The following GABRG3 variants were observed in gnomAD, a reference collection of about 807,000 sequenced individuals.
The protein encoded by GABRG3 is gamma-aminobutyric acid receptor subunit gamma-3.
A neutral mutation model predicts 48.8 loss-of-function variants in GABRG3; 25 were observed. The ratio of observed to expected loss-of-function variants is 0.51; its 90% CI spans 0.37 to 0.72. GABRG3 has a LOEUF of 0.72. GABRG3 is among the 30% of genes least tolerant of loss of function. The probability of loss-of-function intolerance (pLI) is 0.00; values close to 1 mark genes in which losing one functional copy is unlikely to be tolerated. For missense variants in GABRG3, 394 were observed against 577.9 expected, an observed-to-expected ratio of 0.68 and a Z score of 3.26; for synonymous variants, 227 against 217.6, an observed-to-expected ratio of 1.04 and a Z score of -0.38.
At chr15:27,390,966 G>A (rs150087046) in intron 5 of GABRG3, among the ~76,000 whole-genome samples, 228 of 152,112 alleles carry the variant, frequency 1.5e-3, no homozygotes, top group African/African-American at 5.2e-3. Context: ...GCATGTGCCT[G>A]TAATCCCAGC....
Position 27,283,403 on chromosome 15 carries a change from A to G in GABRG3, c.271-43406A>G, listed in dbSNP as rs866787260. On this transcript the variant is annotated intron_variant, in intron 3 of 9. Coordinates refer to ENST00000615808, the MANE Select transcript of GABRG3 (RefSeq NM_033223.5). Reference sequence around the variant, plus strand: ...TGGATCACCTGAGGTCAGGAGTTCAAGACCAGCCTGGCCAACATGGTGAAA... The same window carrying G: ...TGGATCACCTGAGGTCAGGAGTTCAGGACCAGCCTGGCCAACATGGTGAAA... Among the ~76,000 whole-genome samples, 30 of 152,320 alleles carry G rather than the reference A, an allele frequency of 2.0e-4. No individual in the cohort carries two copies. The Middle Eastern group carries it at 0.01, about 52-fold the overall frequency.
chr15:27,296,641 A>C (rs1348889268), intron 3 of GABRG3, among the ~76,000 whole-genome samples: 1 of 152,158 alleles, frequency 6.6e-6, no homozygotes, highest in African/African-American at 2.4e-5. Context: ...GTGATAGCAT[A>C]GTCATTGTAA....
intron 3 of GABRG3, among the ~76,000 whole-genome samples, chr15:27,114,222 T>C (rs899835553): frequency 2.0e-5 from 3 of 152,244 alleles, no homozygotes; most frequent in African/African-American, 4.8e-5. Context: ...GGTTTCCTTT[T>C]CTACCAAATA....
At position 27,308,093 on chromosome 15, in the gene GABRG3, T is replaced by TATAAACATATATGTTTATACATCCAAAC. The variant is rs1892751375; in HGVS notation, c.271-18712_271-18685dup. Among the ~76,000 whole-genome samples, 8 of 135,064 alleles carry TATAAACATATATGTTTATACATCCAAAC rather than the reference T, an allele frequency of 5.9e-5. 1 individual carries two copies. In the South Asian group the frequency reaches 1.4e-3, roughly 23 times the overall value. The allele number at this position is 135,064 out of a possible 152,430, so 88.6% of individuals were successfully genotyped here. On this transcript the variant is annotated intron_variant, in intron 3 of 9. Coordinates refer to ENST00000615808, the MANE Select transcript of GABRG3 (RefSeq NM_033223.5). The stretch of plus-strand genomic sequence containing the variant: ...ATATATGTTTATACATCCAAACATA[T>TATAAACATATATGTTTATACATCCAAAC]ATAAACATATATGTTTATACATCCA...
chr15:27,254,479 A>T (rs1310410551), intron 3 of GABRG3, among the ~76,000 whole-genome samples: 1 of 152,118 alleles, frequency 6.6e-6, no homozygotes, highest in African/African-American at 2.4e-5. Flanking sequence ...CAGTAACAAC[A>T]TACTACAAAT....
intron 3 of GABRG3, among the ~76,000 whole-genome samples, chr15:27,145,729 A>G (rs1489573058): frequency 2.0e-5 from 3 of 151,958 alleles, no homozygotes; most frequent in Admixed American, 6.6e-5. Flanking sequence ...AAATCTTCAA[A>G]CTTGATGAAA....
intron 3 of GABRG3, among the ~76,000 whole-genome samples, chr15:27,165,642 C>T (rs928516586): frequency 5.9e-5 from 9 of 151,946 alleles, no homozygotes; most frequent in African/African-American, 9.7e-5. Flanking sequence ...ATTCTGTCTC[C>T]CCTCTCTTCC....
intron 5 of GABRG3, among the ~76,000 whole-genome samples, chr15:27,369,562 A>T (rs1479218494): frequency 6.6e-6 from 1 of 152,108 alleles, no homozygotes; most frequent in Non-Finnish European, 1.5e-5. Flanking sequence ...TCATCCCTCT[A>T]ATCCCAACAC....
At chr15:27,166,650 C>T (rs1297820169) in intron 3 of GABRG3, among the ~76,000 whole-genome samples, 4 of 152,174 alleles carry the variant, frequency 2.6e-5, no homozygotes, top group Non-Finnish European at 5.9e-5. Flanking sequence ...GATGTTCCAG[C>T]TTCCCGCAAG....
chr15:27,158,999 G>A (rs1407226149), intron 3 of GABRG3, among the ~76,000 whole-genome samples: 2 of 152,100 alleles, frequency 1.3e-5, no homozygotes, highest in South Asian at 2.1e-4. Flanking sequence ...TTGTAGTCAG[G>A]AAGTCATGTA....
chr15:27,424,167 T>G (rs1455555331), intron 5 of GABRG3, among the ~76,000 whole-genome samples: 1 of 152,092 alleles, frequency 6.6e-6, no homozygotes, highest in Admixed American at 6.5e-5. Context: ...CCACTTCAGC[T>G]AGTTTATGCT....
rs139166740 is a variant in GABRG3, at chr15:27,370,099, T to G, written c.574+41211T>G. 6.1e-3 allele frequency among the ~76,000 whole-genome samples: 925 copies of G among 152,350 alleles called. 9 individuals are homozygous for G. Among genetic ancestry groups the G allele is most frequent in the African/African-American group, 0.021 (870 of 41,578 alleles). On this transcript the variant is annotated intron_variant, in intron 5 of 9. Coordinates refer to ENST00000615808, the MANE Select transcript of GABRG3 (RefSeq NM_033223.5). ...CTTTAAAATATGCCTTTAATGGAAT[T>G]CAGCAGCAAATGCATTGAAAGCAGC...
chr15:27,440,996 T>A (rs557228478), intron 5 of GABRG3, among the ~76,000 whole-genome samples: 2 of 152,122 alleles, frequency 1.3e-5, no homozygotes, highest in Admixed American at 6.5e-5. Flanking sequence ...CAGCGAGGGA[T>A]CTCCACAGTC....
chr15:27,492,503 G>A (rs115248212), intron 6 of GABRG3, among the ~76,000 whole-genome samples: 2 of 152,320 alleles, frequency 1.3e-5, no homozygotes, highest in African/African-American at 4.8e-5. Flanking sequence ...AGAGAGAGCA[G>A]TTGAGCCTGG....
chr15:27,166,615 A>G (rs961190870), intron 3 of GABRG3, among the ~76,000 whole-genome samples: 4 of 152,032 alleles, frequency 2.6e-5, no homozygotes, highest in African/African-American at 9.7e-5. Flanking sequence ...CACCCCCTAC[A>G]CCAGCAGGCA....
At chr15:27,508,060 G>A (rs1048453571) in intron 6 of GABRG3, among the ~76,000 whole-genome samples, 1 of 152,096 alleles carries the variant, frequency 6.6e-6, no homozygotes, top group African/African-American at 2.4e-5. Flanking sequence ...TATACTTAAA[G>A]TGGCTTTTAT....
At chr15:26,973,378 G>A (rs1481580879) in intron 1 of GABRG3, among the ~76,000 whole-genome samples, 1 of 152,160 alleles carries the variant, frequency 6.6e-6, no homozygotes, top group African/African-American at 2.4e-5. Flanking sequence ...AATAGAGCTT[G>A]CAGATCAGTT....
intron 3 of GABRG3, among the ~76,000 whole-genome samples, chr15:27,250,798 G>A (rs1890429740): frequency 6.6e-6 from 1 of 152,168 alleles, no homozygotes; most frequent in Non-Finnish European, 1.5e-5. Flanking sequence ...AGTCAATTAA[G>A]TCGGAGGTGG....
chr15:27,366,290 C>T (rs1895196963), intron 5 of GABRG3: 1 of 152,194 alleles, frequency 6.6e-6, no homozygotes, highest in Admixed American at 6.5e-5. Context: ...CTCCAGACTT[C>T]CAACTCCGGG....
Sources: gnomAD v4.1 joint callset for allele counts (sites outside exome capture counted in the v4.1 genomes callset) on GRCh38, gnomAD v4.1.1 for gene constraint, MANE v1.5 for transcripts, NCBI Gene and HGNC (gene_info 2026-07-23, HGNC 2026-07-21) for gene names.